The following CNTN3 variants were observed in gnomAD, a reference collection of about 807,000 sequenced individuals.
The protein encoded by CNTN3 is contactin-3.
A neutral mutation model predicts 119.1 loss-of-function variants in CNTN3; 60 were observed. The ratio of observed to expected loss-of-function variants is 0.50; its 90% CI spans 0.41 to 0.62. The LOEUF is 0.62. Ranked by LOEUF, CNTN3 falls within the 20% of genes least tolerant of loss-of-function variation. The pLI, the probability that CNTN3 is intolerant of heterozygous loss-of-function variation, is 0.00. For missense variants in CNTN3, 1,101 were observed against 1,242.4 expected (o/e 0.89, Z 1.71); for synonymous variants, 450 against 438.7 (o/e 1.03, Z -0.32).
At chr3:74,360,213 A>G (rs1402232156) in intron 11 of CNTN3, among the ~76,000 whole-genome samples, 1 of 152,188 alleles carries the variant, frequency 6.6e-6, no homozygotes, top group Non-Finnish European at 1.5e-5. Context: ...TGATGCTGTG[A>G]TATTTTAGAA....
Position 74,297,957 on chromosome 3 carries a change from C to T in CNTN3, c.2401G>A (p.Glu801Lys), listed in dbSNP as rs1362315570. 1.2e-6 allele frequency: 2 copies of T among 1,607,420 alleles called. No homozygotes were observed. Among genetic ancestry groups the T allele is most frequent in the Non-Finnish European group, 8.5e-7 (1 of 1,175,010 alleles). Residue 801 changes from glutamate (E) to lysine (K), a missense_variant and splice_region_variant, in exon 18 of 23, where the codon GAG becomes AAG. Coordinates refer to ENST00000263665, the MANE Select transcript of CNTN3 (RefSeq NM_020872.3). ...PVTTVFSAEE[E>K]PTVAPSQVSA... The stretch of plus-strand genomic sequence containing the variant: ...TGATATACAGTCATGTTTTCCATAC[C>T]TTCTTCTGCAGAGAACACTGTTGTC...
intron 2 of CNTN3, among the ~76,000 whole-genome samples, chr3:74,506,903 G>C (rs1703271609): frequency 6.6e-6 from 1 of 152,052 alleles, no homozygotes; most frequent in African/African-American, 2.4e-5. Context: ...GGTTTTAATA[G>C]AGATGATTTC....
chr3:74,471,181 A>G (rs982066599), intron 4 of CNTN3, among the ~76,000 whole-genome samples: 1 of 152,046 alleles, frequency 6.6e-6, no homozygotes, highest in Non-Finnish European at 1.5e-5. Flanking sequence ...AACATCACAC[A>G]CCAGGGCCTG....
intron 4 of CNTN3, 88 bp downstream of exon 4, chr3:74,486,368 T>A (rs1434194198): frequency 2.6e-6 from 3 of 1,158,882 alleles, no homozygotes; most frequent in Non-Finnish European, 2.5e-6. Context: ...AAAACCCATG[T>A]ATTATTTCTG....
At chr3:74,295,067 G>C in intron 19 of CNTN3, 54 bp downstream of exon 19, 3 of 1,218,976 alleles carry the variant, frequency 2.5e-6, no homozygotes, top group Non-Finnish European at 3.6e-6. Flanking sequence ...TAAATTCAAG[G>C]AGACAAAGTG....
intron 1 of CNTN3, among the ~76,000 whole-genome samples, chr3:74,555,923 G>T (rs906431409): frequency 2.6e-5 from 4 of 152,020 alleles, no homozygotes; most frequent in African/African-American, 9.7e-5. Context: ...CAGTCTCAGG[G>T]AAGTTCTTTA....
intron 13 of CNTN3, among the ~76,000 whole-genome samples, chr3:74,316,348 A>T (rs1342918220): frequency 6.6e-6 from 1 of 152,210 alleles, no homozygotes; most frequent in Non-Finnish European, 1.5e-5. Context: ...AGATGATGGC[A>T]AGGTTGTGGA....
chr3:74,489,444 TTCCCTTCC>T (rs78572637), intron 3 of CNTN3, among the ~76,000 whole-genome samples: 44,763 of 146,968 alleles, frequency 0.3, 8,592 homozygotes, highest in Non-Finnish European at 0.42. Flanking sequence ...CTTTTCTTCC[TTCCCTTCC>T]TCCCTTCCTC....
chr3:74,421,380 G>C (rs1701613754), intron 5 of CNTN3, among the ~76,000 whole-genome samples: 1 of 151,980 alleles, frequency 6.6e-6, no homozygotes, highest in South Asian at 2.1e-4. Context: ...GTGTTGCCCA[G>C]GCTGGTCTTG....
intron 1 of CNTN3, among the ~76,000 whole-genome samples, chr3:74,598,295 C>G (rs932416556): frequency 2.6e-5 from 4 of 151,948 alleles, no homozygotes; most frequent in Non-Finnish European, 5.9e-5. Flanking sequence ...CCATCCAGAT[C>G]CCAGCCATTT....
rs114249325 is a variant in CNTN3 at position 74,529,154 on chromosome 3, T to C, written c.-80-7962A>G. On this transcript the variant is annotated intron_variant, in intron 1 of 22. Coordinates refer to ENST00000263665, the MANE Select transcript of CNTN3 (RefSeq NM_020872.3). ...GAAAACTGTGGGGTCAGGAAGAGAA[T>C]AGAAAGATAAAAATTTTCAATATAC... is the stretch of plus-strand genomic sequence containing the variant. Among the ~76,000 whole-genome samples, 610 of 152,036 alleles carry C rather than the reference T, an allele frequency of 4.0e-3. 7 individuals are homozygous for C. The highest frequency in any genetic ancestry group is 0.014 in the African/African-American group (579 of 41,532).
At chr3:74,353,519 G>A (rs1473243380) in intron 11 of CNTN3, among the ~76,000 whole-genome samples, 8 of 152,228 alleles carry the variant, frequency 5.3e-5, no homozygotes, top group Non-Finnish European at 5.9e-5. Flanking sequence ...CACTTTGGGA[G>A]GCCGAGACGG....
chr3:74,448,875 T>C (rs965386143), intron 4 of CNTN3, among the ~76,000 whole-genome samples: 1 of 152,146 alleles, frequency 6.6e-6, no homozygotes, highest in African/African-American at 2.4e-5. Context: ...ATTCATACTT[T>C]ACCTAGTTGT....
At chr3:74,378,122 A>T (rs1241286229) in intron 5 of CNTN3, among the ~76,000 whole-genome samples, 2 of 152,198 alleles carry the variant, frequency 1.3e-5, no homozygotes, top group African/African-American at 4.8e-5. Flanking sequence ...GTCATTCAAG[A>T]TTTTTATCAC....
chr3:74,558,989 A>AATAATAATC (rs1704111279), intron 1 of CNTN3, among the ~76,000 whole-genome samples: 1 of 149,570 alleles, frequency 6.7e-6, no homozygotes, highest in Non-Finnish European at 1.5e-5. Flanking sequence ...TCTCAATAAT[A>AATAATAATC]ATAATAATAA....
At chr3:74,342,969 A>C (rs1703583317) in intron 11 of CNTN3, among the ~76,000 whole-genome samples, 1 of 152,222 alleles carries the variant, frequency 6.6e-6, no homozygotes, top group African/African-American at 2.4e-5. Context: ...AAATGAGACA[A>C]ATAATTCTCT....
At chr3:74,558,041 T>C (rs1704097730) in intron 1 of CNTN3, among the ~76,000 whole-genome samples, 1 of 152,208 alleles carries the variant, frequency 6.6e-6, no homozygotes, top group African/African-American at 2.4e-5. Context: ...GGCTCTCAGC[T>C]TAGTCTCTCC....
intron 5 of CNTN3, among the ~76,000 whole-genome samples, chr3:74,388,472 A>C (rs750362113): frequency 1.3e-5 from 2 of 152,104 alleles, no homozygotes; most frequent in Non-Finnish European, 2.9e-5. Flanking sequence ...AGGTTTCCAT[A>C]GCTGTTAAAA....
At chr3:74,376,605 T>C (rs1398062182) in intron 5 of CNTN3, among the ~76,000 whole-genome samples, 2 of 152,142 alleles carry the variant, frequency 1.3e-5, no homozygotes, top group African/African-American at 2.4e-5. Flanking sequence ...AGTTGTATAA[T>C]TATTATATAT....
Sources: allele counts gnomAD v4.1 joint callset (sites outside exome capture counted in the v4.1 genomes callset), GRCh38; gene constraint gnomAD v4.1.1; transcripts MANE v1.5; gene names NCBI Gene and HGNC (gene_info 2026-07-23, HGNC 2026-07-21).